Variants in RHEB observed in about 807,000 individuals in gnomAD.
The protein encoded by RHEB is Ras homolog, mTORC1 binding.
In RHEB, 2 loss-of-function variants were observed where a neutral mutation model predicts 28.8. That is an observed-to-expected ratio of 0.07 (90% confidence interval 0.03 to 0.22). The LOEUF (loss-of-function observed/expected upper bound fraction) is 0.22. RHEB is among the 10% of genes least tolerant of loss of function. RHEB has a pLI of 1.00. For missense variants in RHEB, 76 were observed against 219.9 expected (o/e 0.35, Z 4.14); for synonymous variants, 69 against 77.3 (o/e 0.89, Z 0.56).
intron 2 of RHEB, among the ~76,000 whole-genome samples, chr7:151,485,482 C>T (rs1428525452): frequency 1.3e-5 from 2 of 152,110 alleles, no homozygotes; most frequent in African/African-American, 4.8e-5. Flanking sequence ...GAACTACTAA[C>T]AGAAACAATG....
At chr7:151,494,607 TCATG>T (rs1357584388) in intron 1 of RHEB, among the ~76,000 whole-genome samples, 1 of 152,252 alleles carries the variant, frequency 6.6e-6, no homozygotes, top group Admixed American at 6.5e-5. Flanking sequence ...ACTGTTGTTT[TCATG>T]AATAGTAAAC....
chr7:151,498,150 C>A (rs1306362343), intron 1 of RHEB: 1 of 1,289,774 alleles, frequency 7.8e-7, no homozygotes, highest in Non-Finnish European at 1.0e-6. Flanking sequence ...ACACCACTCA[C>A]AACAGGTGCG....
At chr7:151,477,156 A>G (rs1379119838) in intron 4 of RHEB, among the ~76,000 whole-genome samples, 177 bp downstream of exon 4, 2 of 152,164 alleles carry the variant, frequency 1.3e-5, no homozygotes, top group African/African-American at 2.4e-5. Flanking sequence ...TGTAACTAAC[A>G]GAACATCTAG....
At chr7:151,497,617 C>T (rs973087177) in intron 1 of RHEB, among the ~76,000 whole-genome samples, 2 of 152,298 alleles carry the variant, frequency 1.3e-5, no homozygotes, top group African/African-American at 4.8e-5. Flanking sequence ...CGCAATGTCC[C>T]GATCGCCGCT....
intron 4 of RHEB, among the ~76,000 whole-genome samples, chr7:151,474,110 T>C (rs762301145): frequency 2.0e-5 from 3 of 152,204 alleles, no homozygotes; most frequent in African/African-American, 7.2e-5. Flanking sequence ...AATGTATATT[T>C]ATGCTTTAAA....
At chr7:151,516,839 C>T (rs1803090411) in intron 1 of RHEB, among the ~76,000 whole-genome samples, 1 of 152,028 alleles carries the variant, frequency 6.6e-6, no homozygotes, top group Non-Finnish European at 1.5e-5. Flanking sequence ...GAATATAGGA[C>T]AAACAGCTCA....
At chr7:151,495,216 T>C (rs1046658553) in intron 1 of RHEB, among the ~76,000 whole-genome samples, 16 of 152,266 alleles carry the variant, frequency 1.1e-4, no homozygotes, top group African/African-American at 3.1e-4. Flanking sequence ...TTTGGAAAAA[T>C]GTTACATGAA....
At chr7:151,502,731 C>T (rs1018855420) in intron 1 of RHEB, 60 of 1,576,090 alleles carry the variant, frequency 3.8e-5, no homozygotes, top group African/African-American at 5.4e-5. Context: ...ACAGTAGAGG[C>T]GTTTTGCCCG....
intron 1 of RHEB, among the ~76,000 whole-genome samples, chr7:151,492,386 G>A (rs373570870): frequency 1.3e-5 from 2 of 152,098 alleles, no homozygotes; most frequent in East Asian, 1.9e-4. Context: ...AGGCTGAAGC[G>A]GGTGGATCAC....
At chr7:151,490,162 GCA>G (rs946500890) in intron 2 of RHEB, among the ~76,000 whole-genome samples, 4 of 152,158 alleles carry the variant, frequency 2.6e-5, no homozygotes, top group South Asian at 2.1e-4. Flanking sequence ...TCAAAGCTGG[GCA>G]CAGTGTTGTA....
At chr7:151,503,098 G>C (rs1802801910) in intron 1 of RHEB, 1 of 804,086 alleles carries the variant, frequency 1.2e-6, no homozygotes, top group African/African-American at 1.7e-5. Context: ...CTTTGGAAAA[G>C]GGAGCTGTAG....
At position 151,509,151 on chromosome 7, in the gene RHEB, TG is replaced by T. The variant is rs577573946; in HGVS notation, c.52+10308del. On this transcript the variant is annotated intron_variant, in intron 1 of 7. Transcript: ENST00000262187. The stretch of plus-strand genomic sequence containing the variant: ...TGCCTGAGTGGGCAACGTGAGCGTG[TG>T]GGGCCACCCGGGCCCAGCAACCTCA... Among the ~76,000 whole-genome samples, 60 of 152,274 alleles carry T rather than the reference TG, an allele frequency of 3.9e-4. No homozygotes were observed. In the East Asian group the frequency reaches 0.011, roughly 27 times the overall value.
At chr7:151,497,609 CA>C (rs1802696754) in intron 1 of RHEB, among the ~76,000 whole-genome samples, 1 of 152,222 alleles carries the variant, frequency 6.6e-6, no homozygotes, top group Non-Finnish European at 1.5e-5. Context: ...ACGGCACTCG[CA>C]ATGTCCCGAT....
chr7:151,477,115 T>A (rs1042590871), intron 4 of RHEB, among the ~76,000 whole-genome samples: 5 of 152,090 alleles, frequency 3.3e-5, no homozygotes, highest in African/African-American at 1.2e-4. Context: ...CTAGGTAGCT[T>A]GAGGTAAGAA....
chr7:151,482,955 C>T (rs760125276), intron 3 of RHEB, among the ~76,000 whole-genome samples: 2 of 152,162 alleles, frequency 1.3e-5, no homozygotes, highest in Non-Finnish European at 2.9e-5. Flanking sequence ...CATATAAGCC[C>T]CAACTCCTAT....
intron 1 of RHEB, among the ~76,000 whole-genome samples, chr7:151,517,435 A>C (rs977177878): frequency 6.6e-6 from 1 of 152,080 alleles, no homozygotes; most frequent in African/African-American, 2.4e-5. Flanking sequence ...AAATCGTTTA[A>C]TATGACTACG....
rs187602391 is a variant in RHEB at position 151,509,685 on chromosome 7, T to G, written c.52+9775A>C. ...GCACACTACAGACCAGGGGCCAAAT[T>G]TGGCCTACAGCCTGTTTTGGTTTTG... On this transcript the variant is annotated intron_variant, in intron 1 of 7. Coordinates refer to ENST00000262187, the MANE Select transcript of RHEB (RefSeq NM_005614.4). Among the ~76,000 whole-genome samples, 47 of 152,330 alleles carry G rather than the reference T, an allele frequency of 3.1e-4. No individual in the cohort carries two copies. In the East Asian group the frequency reaches 7.3e-3, roughly 24 times the overall value.
chr7:151,477,993 T>C (rs752958209), intron 3 of RHEB, among the ~76,000 whole-genome samples: 4 of 152,122 alleles, frequency 2.6e-5, no homozygotes, highest in South Asian at 2.1e-4. Flanking sequence ...CCAGGTTCAA[T>C]TGAGGTATTC....
intron 1 of RHEB, among the ~76,000 whole-genome samples, chr7:151,496,945 ATTTT>A (rs1172246541): frequency 1.0e-4 from 13 of 124,526 alleles, no homozygotes; most frequent in Admixed American, 1.6e-4. Flanking sequence ...ACACTCGGCT[ATTTT>A]TTTTTTTTTT....
Sources: gnomAD v4.1 joint callset for allele counts (sites outside exome capture counted in the v4.1 genomes callset) on GRCh38, gnomAD v4.1.1 for gene constraint, MANE v1.5 for transcripts, NCBI Gene and HGNC (gene_info 2026-07-23, HGNC 2026-07-21) for gene names.